Variants in ADAM15 observed in about 807,000 individuals in gnomAD.
ADAM15 encodes disintegrin and metalloproteinase domain-containing protein 15.
Under a neutral mutation model 113.8 loss-of-function variants are expected in ADAM15, and 77 were observed. That is an observed-to-expected ratio of 0.68 (90% confidence interval 0.56 to 0.82). ADAM15 has a LOEUF of 0.82. ADAM15 is among the 40% of genes least tolerant of loss of function. The pLI, the probability that ADAM15 is intolerant of heterozygous loss-of-function variation, is 0.00. For synonymous variants in ADAM15, 388 were observed against 454.1 expected, an observed-to-expected ratio of 0.85 and a Z score of 1.85; for missense variants, 963 against 1,120.1, an observed-to-expected ratio of 0.86 and a Z score of 2.00.
At chr1:155,053,637 A>G in intron 3 of ADAM15, 144 bp downstream of exon 3, 8 of 921,442 alleles carry the variant, frequency 8.7e-6, no homozygotes, top group Non-Finnish European at 1.4e-5. Flanking sequence ...TATTGTCCTC[A>G]CTTTATACAT....
rs372199497 is a variant in ADAM15, at chr1:155,057,205, A to C, written c.1166A>C (p.Asn389Thr). Residue 389 changes from asparagine (N) to threonine (T), a missense_variant, in exon 12 of 23, where the codon AAC becomes ACC. Coordinates refer to ENST00000356955, the MANE Select transcript of ADAM15 (RefSeq NM_207197.3). The surrounding 1 kb of genome is among the most constrained non-coding windows in gnomAD (Gnocchi z 5.0). Reference sequence around the variant, plus strand: ...CTCCCCAGCTTCCTACCAGGCCTGAACTTCAGCAACTGCAGCCGACGGGCC... The same window carrying C: ...CTCCCCAGCTTCCTACCAGGCCTGACCTTCAGCAACTGCAGCCGACGGGCC... ...EASTDFLPGL[N>T]FSNCSRRALE... 34 of 1,613,692 alleles carry C rather than the reference A, an allele frequency of 2.1e-5. No homozygotes were observed. The highest frequency in any genetic ancestry group is 2.8e-5 in the Non-Finnish European group (33 of 1,179,766).
chr1:155,054,590 A>G, intron 6 of ADAM15, 84 bp downstream of exon 6: 1 of 1,391,254 alleles, frequency 7.2e-7, no homozygotes, highest in South Asian at 1.6e-5. Flanking sequence ...GCACAGTAAC[A>G]ACAGCTCCTG....
In ADAM15 at chr1:155,056,102, G is replaced by A. The variant is rs771489216; in HGVS notation, c.767G>A (p.Arg256Gln). ...LDTFFRPLNV[R>Q]VALVGLEAWT... ...CAGTTCTTCCGGCCCCTGAATGTAC[G>A]AGTGGCACTAGTGGGCCTGGAGGCC... The change falls in exon 9 of 23, where the codon CGA (arginine) becomes CAA (glutamine). Residue 256 changes from arginine to glutamine, a missense_variant. Arg to Gln is a conservative substitution (Grantham distance 43). Transcript: ENST00000356955. This position sits in a 1 kb window ranked among gnomAD's most constrained non-coding sequence, Gnocchi z 4.0. The A allele has an allele frequency of 8.7e-6, 14 of 1,613,540 alleles. No individual in the cohort carries two copies. Among genetic ancestry groups the A allele is most frequent in the East Asian group, 2.2e-5 (1 of 44,894 alleles).
In ADAM15 at chr1:155,052,688, C is replaced by G. The variant is rs1483951347; in HGVS notation, c.97C>G (p.Gln33Glu). 2 of 1,608,786 alleles carry G rather than the reference C, an allele frequency of 1.2e-6. No individual in the cohort carries two copies. Among genetic ancestry groups the G allele is most frequent in the Non-Finnish European group, 8.5e-7 (1 of 1,178,354 alleles). ...LPNIGGTEEQ[Q>E]AESEKAPREP... ...ACCTGCAGGTGGCACTGAGGAGCAG[C>G]AGGCAGAGTCAGAGAAGGCCCCGAG... The change falls in exon 2 of 23, where the codon CAG becomes GAG. Residue 33 changes from glutamine (Q) to glutamate (E), a missense_variant. Coordinates refer to ENST00000356955, the MANE Select transcript of ADAM15 (RefSeq NM_207197.3).
chr1:155,061,499 G>A lies in ADAM15; in HGVS notation c.2352+10G>A, dbSNP rs746306856. 3 of 1,612,746 alleles carry A rather than the reference G, an allele frequency of 1.9e-6. No homozygotes were observed. Among genetic ancestry groups the A allele is most frequent in the Non-Finnish European group, 2.5e-6 (3 of 1,179,702 alleles). ...GTCCAAGAGACTCCAGGTAAATCTG[G>A]GCCAGGGCCCGCCCTGAGCCAAGGC... On this transcript the variant is annotated intron_variant, in intron 20 of 22. Transcript: ENST00000356955.
In ADAM15 at chr1:155,061,730, C is replaced by A; in HGVS notation, c.2353-174C>A. The A allele has an allele frequency of 2.4e-6, 2 of 839,660 alleles. 1 individual carries two copies. Among genetic ancestry groups the A allele is most frequent in the South Asian group, 3.5e-5 (2 of 56,560 alleles). The allele number at this position is 839,660 out of a possible 1,614,324, so 52.0% of individuals were successfully genotyped here. A position where few individuals can be genotyped will look rare whatever the true frequency, so the allele number is the denominator to read the frequency against. ...GGCCAGGGACTGCGGTTGACCTACA[C>A]CTTCCTCCCCTGAGACATCAGCTGG... On this transcript the variant is annotated intron_variant, in intron 20 of 22. Transcript: ENST00000356955.
Position 155,057,764 on chromosome 1 carries a change from C to T in ADAM15, c.1416+35C>T, listed in dbSNP as rs946769865. The T allele has an allele frequency of 3.7e-6, 6 of 1,613,872 alleles. No individual in the cohort carries two copies. Among genetic ancestry groups the T allele is most frequent in the East Asian group, 4.5e-5 (2 of 44,888 alleles). Reference sequence around the variant, plus strand: ...GACTAGACTGGCCACCCGGAGCTCACCTGCCGGGGCCAAGGTGGAAAGGGT... The same window carrying T: ...GACTAGACTGGCCACCCGGAGCTCATCTGCCGGGGCCAAGGTGGAAAGGGT... On this transcript the variant is annotated intron_variant, in intron 13 of 22. Coordinates refer to ENST00000356955, the MANE Select transcript of ADAM15 (RefSeq NM_207197.3). The surrounding 1 kb of genome is among the most constrained non-coding windows in gnomAD (Gnocchi z 5.0).
chr1:155,058,258 T>C lies in ADAM15; in HGVS notation c.1734T>C (p.Cys578=). ...YVSCTPRDAI[C]GQLQCQTGRT... ...CCCCTCCCCACAGAGATGCCATTTG[T>C]GGGCAGCTCCAGTGCCAGACAGGTA... The change falls in exon 15 of 23, where the codon TGT becomes TGC. Residue 578 remains cysteine, a synonymous_variant. Transcript: ENST00000356955. The surrounding 1 kb of genome is among the most constrained non-coding windows in gnomAD (Gnocchi z 4.3). The C allele has an allele frequency of 6.2e-7, 1 of 1,614,046 alleles. No homozygotes were observed. The highest frequency in any genetic ancestry group is 2.2e-5 in the East Asian group (1 of 44,880).
chr1:155,061,811 T>G lies in ADAM15; in HGVS notation c.2353-93T>G, dbSNP rs538111792. On this transcript the variant is annotated intron_variant, in intron 20 of 22. Transcript: ENST00000356955. ...ATTCTCTCCTGCCCCCTGGCTGACT[T>G]TGCATGTTGACTTGAACCCCTCTGG... 3.3e-5 allele frequency: 44 copies of G among 1,342,854 alleles called. No homozygotes were observed. The South Asian group carries it at 6.0e-4, about 18-fold the overall frequency. The allele number at this position is 1,342,854 out of a possible 1,614,324, so 83.2% of individuals were successfully genotyped here.
Position 155,056,264 on chromosome 1 carries a change from C to T in ADAM15, c.914+15C>T, listed in dbSNP as rs773023181. On this transcript the variant is annotated intron_variant, in intron 9 of 22. Transcript: ENST00000356955. This position sits in a 1 kb window ranked among gnomAD's most constrained non-coding sequence, Gnocchi z 4.0. ...CAGCTGGTGACGTAAGGGCCCCAGA[C>T]TCAGCCAGAGAGGCCAGTCCTGTCC... 2 of 1,613,744 alleles carry T rather than the reference C, an allele frequency of 1.2e-6. No homozygotes were observed. Among genetic ancestry groups the T allele is most frequent in the South Asian group, 2.2e-5 (2 of 91,084 alleles).
At position 155,056,227 on chromosome 1, in the gene ADAM15, C is replaced by T; in HGVS notation, c.892C>T (p.His298Tyr). 2 of 1,614,022 alleles carry T rather than the reference C, an allele frequency of 1.2e-6. No individual in the cohort carries two copies. Among genetic ancestry groups the T allele is most frequent in the Non-Finnish European group, 1.7e-6 (2 of 1,180,028 alleles). Residue 298 changes from histidine to tyrosine, a missense_variant, in exon 9 of 23, where the codon CAT becomes TAT. His to Tyr is a moderately conservative substitution (Grantham distance 83). Coordinates refer to ENST00000356955, the MANE Select transcript of ADAM15 (RefSeq NM_207197.3). This position sits in a 1 kb window ranked among gnomAD's most constrained non-coding sequence, Gnocchi z 4.0. ...RRAHLLPRLP[H>Y]DSAQLVTGTS... is the part of the protein sequence containing the mutation. ...GGCACATTTGCTGCCTCGATTGCCC[C>T]ATGACAGTGCCCAGCTGGTGACGTA...
Position 155,062,221 on chromosome 1 carries a change from G to A in ADAM15, c.2425-24G>A, listed in dbSNP as rs1166836890. ...AACATGACACCCCCCCACCTAAGCCGGCCTCCTGCCTTCTCTCCCTCAGTC... is the reference window on the plus strand; with the variant it reads ...AACATGACACCCCCCCACCTAAGCCAGCCTCCTGCCTTCTCTCCCTCAGTC... On this transcript the variant is annotated intron_variant, in intron 21 of 22. Coordinates refer to ENST00000356955, the MANE Select transcript of ADAM15 (RefSeq NM_207197.3). The surrounding 1 kb of genome is among the most constrained non-coding windows in gnomAD (Gnocchi z 7.0). The A allele has an allele frequency of 2.4e-5, 34 of 1,445,668 alleles. No homozygotes were observed. In the South Asian group the frequency reaches 4.3e-4, roughly 18 times the overall value. 89.6% of individuals were successfully genotyped at this position (1,445,668 alleles called of 1,614,324 possible). A position where few individuals can be genotyped will look rare whatever the true frequency, so the allele number is the denominator to read the frequency against.
chr1:155,051,807 C>T, intron 1 of ADAM15: 1 of 238,146 alleles, frequency 4.2e-6, no homozygotes, highest in Non-Finnish European at 8.2e-6. Context: ...GGCATCTTCG[C>T]TGCTCTGGGG....
chr1:155,061,211 G>A (rs940287569), intron 19 of ADAM15: 4 of 588,390 alleles, frequency 6.8e-6, no homozygotes, highest in African/African-American at 3.7e-5. Context: ...TCCCCACCCT[G>A]AGCCCTCTGC....
rs779836402 is a variant in ADAM15, at chr1:155,062,446, T to G, written c.2550-14T>G. The G allele has an allele frequency of 6.2e-7, 1 of 1,613,190 alleles. No homozygotes were observed. The highest frequency in any genetic ancestry group is 1.1e-5 in the South Asian group (1 of 91,048). The stretch of plus-strand genomic sequence containing the variant: ...GGGCCTCTGACTCTTTTTTCTTGGC[T>G]TCCCGCAATCCAGACCAGCGCCACC... On this transcript the variant is annotated splice_polypyrimidine_tract_variant and intron_variant, in intron 22 of 22. Transcript: ENST00000356955. The surrounding 1 kb of genome is among the most constrained non-coding windows in gnomAD (Gnocchi z 7.0).
intron 3 of ADAM15, 140 bp downstream of exon 3, chr1:155,053,633 C>A: frequency 1.1e-6 from 1 of 937,238 alleles, no homozygotes; most frequent in Non-Finnish European, 1.7e-6. Flanking sequence ...GTATTATTGT[C>A]CTCACTTTAT....
chr1:155,058,353 T>C lies in ADAM15; in HGVS notation c.1829T>C (p.Leu610Pro). 1 of 1,614,042 alleles carries C rather than the reference T, an allele frequency of 6.2e-7. No homozygotes were observed. The highest frequency in any genetic ancestry group is 8.5e-7 in the Non-Finnish European group (1 of 1,180,032). Residue 610 changes from leucine (L) to proline (P), a missense_variant, in exon 15 of 23, where the codon CTG becomes CCG. Physicochemically the swap from Leu to Pro is moderately conservative, Grantham distance 98 (BLOSUM62 -3). Transcript: ENST00000356955. The surrounding 1 kb of genome is among the most constrained non-coding windows in gnomAD (Gnocchi z 4.3). ...WETIDVNGTE[L>P]NCSWVHLDLG... is the part of the protein sequence containing the mutation. ...ACAATAGATGTGAATGGGACTGAGC[T>C]GAACTGCAGCTGGGTGCACCTGGAC...
At position 155,062,388 on chromosome 1, in the gene ADAM15, A is replaced by G. The variant is rs1480299442; in HGVS notation, c.2549+19A>G. On this transcript the variant is annotated intron_variant, in intron 22 of 22. Coordinates refer to ENST00000356955, the MANE Select transcript of ADAM15 (RefSeq NM_207197.3). This position sits in a 1 kb window ranked among gnomAD's most constrained non-coding sequence, Gnocchi z 7.0. ...CCTCCAGGTAGGAGGAGCCCTGGGC[A>G]TGGGTGGGCGGGGCGAGTGACCTGG... 7.6e-6 allele frequency: 12 copies of G among 1,572,038 alleles called. No individual in the cohort carries two copies. In the African/African-American group the frequency reaches 1.5e-4, roughly 20 times the overall value.
At position 155,056,920 on chromosome 1, in the gene ADAM15, G is replaced by C; in HGVS notation, c.1000-33G>C. 6.5e-7 allele frequency: 1 copy of C among 1,530,334 alleles called. No homozygotes were observed. The highest frequency in any genetic ancestry group is 2.1e-5 in the Admixed American group (1 of 48,036). The allele number at this position is 1,530,334 out of a possible 1,614,324, so 94.8% of individuals were successfully genotyped here. On this transcript the variant is annotated intron_variant, in intron 10 of 22. Coordinates refer to ENST00000356955, the MANE Select transcript of ADAM15 (RefSeq NM_207197.3). The surrounding 1 kb of genome is among the most constrained non-coding windows in gnomAD (Gnocchi z 4.0). ...GGGCATTGTGGTGGAGGCAGGCTGG[G>C]ACTGGACCTACAGTACCCCTCCCCA...
Sources: allele counts gnomAD v4.1 joint callset, GRCh38; gene constraint gnomAD v4.1.1; non-coding constraint Gnocchi (gnomAD v3.1); transcripts MANE v1.5; gene names NCBI Gene and HGNC (gene_info 2026-07-23, HGNC 2026-07-21).